The following TMEM170B variants were observed in gnomAD, a reference collection of about 807,000 sequenced individuals.
TMEM170B encodes the protein transmembrane protein 170B.
In TMEM170B, 6 loss-of-function variants were observed where a neutral mutation model predicts 13.0. That is an observed-to-expected ratio of 0.46 (90% CI 0.25 to 0.91). The LOEUF (loss-of-function observed/expected upper bound fraction) is 0.91. TMEM170B is among the 40% of genes least tolerant of loss of function. The pLI is 0.17. For missense variants in TMEM170B, 138 were observed against 165.2 expected, an observed-to-expected ratio of 0.84 and a Z score of 0.90; for synonymous variants, 61 against 64.9, an observed-to-expected ratio of 0.94 and a Z score of 0.29.
At chr6:11,550,377 TG>T (rs909478667) in intron 1 of TMEM170B, among the ~76,000 whole-genome samples, 10 of 152,056 alleles carry the variant, frequency 6.6e-5, no homozygotes, top group Admixed American at 1.3e-4. Context: ...TTCACCATGT[TG>T]GTCAGGCTGG....
Position 11,582,811 on chromosome 6 carries a change from G to A in TMEM170B, c.*7250G>A, listed in dbSNP as rs1047777921. Reference sequence around the variant, plus strand: ...AATACACAAAAACAAAGGCATATTTGATGAAGTACCCTGTGTTATGTGAAC... The same window carrying A: ...AATACACAAAAACAAAGGCATATTTAATGAAGTACCCTGTGTTATGTGAAC... On this transcript the variant is annotated 3_prime_UTR_variant, in exon 3 of 3. Transcript: ENST00000379426. The A allele has an allele frequency of 2.0e-5, 3 of 152,122 alleles. No individual in the cohort carries two copies. Among genetic ancestry groups the A allele is most frequent in the African/African-American group, 7.2e-5 (3 of 41,438 alleles). 9.4% of individuals were successfully genotyped at this position (152,122 alleles called of 1,614,324 possible).
Position 11,538,321 on chromosome 6 carries a change from T to C in TMEM170B, c.44T>C (p.Val15Ala), listed in dbSNP as rs372229794. The C allele has an allele frequency of 6.6e-5, 99 of 1,499,190 alleles. No homozygotes were observed. The highest frequency in any genetic ancestry group is 9.4e-5 in the Admixed American group (4 of 42,574). The allele number at this position is 1,499,190 out of a possible 1,614,324, so 92.9% of individuals were successfully genotyped here. A position where few individuals can be genotyped will look rare whatever the true frequency, so the allele number is the denominator to read the frequency against. The change falls in exon 1 of 3, where the codon GTG becomes GCG. Residue 15 changes from valine to alanine, a missense_variant. Val to Ala is a moderately conservative substitution (Grantham distance 64). Coordinates refer to ENST00000379426, the MANE Select transcript of TMEM170B (RefSeq NM_001100829.3). ...GACCACTCCATGATCAACCTGTCGG[T>C]GCAGCAGGTCCTGAGCCTCTGGGCC... is the stretch of plus-strand genomic sequence containing the variant. ...GGDHSMINLS[V>A]QQVLSLWAHG... is the part of the protein sequence containing the mutation.
At chr6:11,547,452 T>G (rs1335361524) in intron 1 of TMEM170B, among the ~76,000 whole-genome samples, 5 of 152,200 alleles carry the variant, frequency 3.3e-5, no homozygotes, top group African/African-American at 4.8e-5. Flanking sequence ...GTTATTTATG[T>G]TTTGTAAATG....
At position 11,579,842 on chromosome 6, in the gene TMEM170B, G is replaced by A. The variant is rs1253666616; in HGVS notation, c.*4281G>A. On this transcript the variant is annotated 3_prime_UTR_variant, in exon 3 of 3. Coordinates refer to ENST00000379426, the MANE Select transcript of TMEM170B (RefSeq NM_001100829.3). Reference sequence around the variant, plus strand: ...TAATTATTCTTCTTGAAAAGTAAGAGCGATATATAACCCTTCAGTCTTCTA... The same window carrying A: ...TAATTATTCTTCTTGAAAAGTAAGAACGATATATAACCCTTCAGTCTTCTA... The A allele has an allele frequency of 1.3e-5, 2 of 152,184 alleles. No homozygotes were observed. The allele number at this position is 152,184 out of a possible 1,614,324, so 9.4% of individuals were successfully genotyped here.
Position 11,581,681 on chromosome 6 carries a change from T to C in TMEM170B, c.*6120T>C, listed in dbSNP as rs531634566. ...TCACCACTTTAAAAATTTTATTCTGTCTTGCTGAATTAAGCAGAAATCACT... is the reference window on the plus strand; with the variant it reads ...TCACCACTTTAAAAATTTTATTCTGCCTTGCTGAATTAAGCAGAAATCACT... On this transcript the variant is annotated 3_prime_UTR_variant, in exon 3 of 3. Transcript: ENST00000379426. 2.0e-5 allele frequency: 3 copies of C among 152,356 alleles called. No homozygotes were observed. The South Asian group carries it at 6.2e-4, about 32-fold the overall frequency. 9.4% of individuals were successfully genotyped at this position (152,356 alleles called of 1,614,324 possible).
intron 2 of TMEM170B, among the ~76,000 whole-genome samples, chr6:11,572,705 C>T (rs987184419): frequency 6.6e-6 from 1 of 152,150 alleles, no homozygotes; most frequent in Non-Finnish European, 1.5e-5. Context: ...AACTAGTGCT[C>T]TTCTCAGAAG....
At chr6:11,546,582 C>T (rs1012300950) in intron 1 of TMEM170B, among the ~76,000 whole-genome samples, 2 of 152,144 alleles carry the variant, frequency 1.3e-5, no homozygotes, top group African/African-American at 4.8e-5. Flanking sequence ...ATAACTTCCC[C>T]ATACAGATAT....
chr6:11,567,964 G>A (rs1171392831), intron 2 of TMEM170B, among the ~76,000 whole-genome samples: 1 of 152,214 alleles, frequency 6.6e-6, no homozygotes, highest in African/African-American at 2.4e-5. Context: ...TAGAATTAAT[G>A]TAAAGAAGCA....
intron 2 of TMEM170B, among the ~76,000 whole-genome samples, chr6:11,568,482 G>T (rs889429355): frequency 9.9e-5 from 15 of 152,192 alleles, no homozygotes; most frequent in African/African-American, 3.6e-4. Context: ...TTTAAAGAGA[G>T]CATGAGAAAT....
At chr6:11,569,111 AGAT>A (rs1178850638) in intron 2 of TMEM170B, among the ~76,000 whole-genome samples, 2 of 152,002 alleles carry the variant, frequency 1.3e-5, no homozygotes, top group Admixed American at 6.6e-5. Context: ...TCTTTTTTAC[AGAT>A]TGCTTCTTTA....
chr6:11,544,737 CTTT>C (rs1561906468), intron 1 of TMEM170B, among the ~76,000 whole-genome samples: 1 of 152,172 alleles, frequency 6.6e-6, no homozygotes, highest in Admixed American at 6.5e-5. Context: ...CATATCACTT[CTTT>C]AAGTGTGTTT....
At chr6:11,562,943 A>T (rs1759688596) in intron 1 of TMEM170B, among the ~76,000 whole-genome samples, 1 of 152,192 alleles carries the variant, frequency 6.6e-6, no homozygotes, top group African/African-American at 2.4e-5. Flanking sequence ...TAAAATTCTT[A>T]GTCATTTATG....
At chr6:11,562,720 A>G (rs1393768910) in intron 1 of TMEM170B, among the ~76,000 whole-genome samples, 1 of 152,166 alleles carries the variant, frequency 6.6e-6, no homozygotes, top group African/African-American at 2.4e-5. Context: ...GGATATTAAC[A>G]TTGATGCAAT....
chr6:11,541,029 T>TGCTG (rs1447516097), intron 1 of TMEM170B, among the ~76,000 whole-genome samples: 1 of 152,220 alleles, frequency 6.6e-6, no homozygotes, highest in Non-Finnish European at 1.5e-5. Flanking sequence ...CAGTAGGCCG[T>TGCTG]GCTGTAAACT....
At chr6:11,546,245 A>AT (rs572760228) in intron 1 of TMEM170B, among the ~76,000 whole-genome samples, 19 of 151,186 alleles carry the variant, frequency 1.3e-4, no homozygotes, top group South Asian at 6.3e-4. Flanking sequence ...GTTTTTAACA[A>AT]TTTTTTTTTA....
chr6:11,574,078 A>T (rs1350915255), intron 2 of TMEM170B, among the ~76,000 whole-genome samples: 1 of 152,086 alleles, frequency 6.6e-6, no homozygotes, highest in Non-Finnish European at 1.5e-5. Flanking sequence ...AGCCAGACTA[A>T]CCTGGATTGA....
chr6:11,540,323 C>T (rs1338521741), intron 1 of TMEM170B, among the ~76,000 whole-genome samples: 1 of 152,186 alleles, frequency 6.6e-6, no homozygotes, highest in Non-Finnish European at 1.5e-5. Context: ...TCAGTCCTTT[C>T]AAACCCTGCT....
Position 11,538,373 on chromosome 6 carries a change from G to A in TMEM170B, c.96G>A (p.Thr32=). The A allele has an allele frequency of 6.6e-7, 1 of 1,511,134 alleles. No homozygotes were observed. Among genetic ancestry groups the A allele is most frequent in the Non-Finnish European group, 8.8e-7 (1 of 1,132,232 alleles). 93.6% of individuals were successfully genotyped at this position (1,511,134 alleles called of 1,614,324 possible). Reference sequence around the variant, plus strand: ...ACGGGACGGTGCTGAGGAACCTCACGGGTAATTGACGCGCCTGGGCTGGGG... The same window carrying A: ...ACGGGACGGTGCTGAGGAACCTCACAGGTAATTGACGCGCCTGGGCTGGGG... ...WAHGTVLRNL[T]EMWYWIFLWA... Residue 32 remains threonine, a splice_region_variant and synonymous_variant, in exon 1 of 3, where the codon ACG becomes ACA. Coordinates refer to ENST00000379426, the MANE Select transcript of TMEM170B (RefSeq NM_001100829.3).
At chr6:11,565,526 CT>C in intron 1 of TMEM170B, 139 bp from the exon 2 acceptor site, 1 of 767,406 alleles carries the variant, frequency 1.3e-6, no homozygotes, top group East Asian at 2.5e-5. Context: ...TTCAGTGCTA[CT>C]TGTGTCAGGC....
Sources: allele counts gnomAD v4.1 joint callset (sites outside exome capture counted in the v4.1 genomes callset), GRCh38; gene constraint gnomAD v4.1.1; transcripts MANE v1.5; gene names NCBI Gene and HGNC (gene_info 2026-07-23, HGNC 2026-07-21).